Variants in DLGAP1 observed in about 807,000 individuals in gnomAD.
DLGAP1 encodes the protein DLG associated protein 1.
Under a neutral mutation model 90.8 loss-of-function variants are expected in DLGAP1, and 11 were observed. The observed-to-expected ratio is 0.12, with a 90% CI of 0.08 to 0.20. DLGAP1 has a LOEUF of 0.20. DLGAP1 is among the 10% of genes least tolerant of loss of function. DLGAP1 has a pLI of 1.00. For synonymous variants in DLGAP1, 558 were observed against 540.7 expected (o/e 1.03, Z -0.44); for missense variants, 1,050 against 1,333.8 (o/e 0.79, Z 3.31).
At chr18:4,197,119 G>A (rs1161752127) in intron 1 of DLGAP1, among the ~76,000 whole-genome samples, 2 of 148,364 alleles carry the variant, frequency 1.3e-5, no homozygotes, top group Admixed American at 1.4e-4. Flanking sequence ...GTTGCAGTGA[G>A]CTGAGATCGT....
At chr18:4,329,706 G>C (rs2080905848) in intron 1 of DLGAP1, among the ~76,000 whole-genome samples, 1 of 151,822 alleles carries the variant, frequency 6.6e-6, no homozygotes, top group Admixed American at 6.6e-5. Flanking sequence ...TGAAAACATG[G>C]GTTGCATTTA....
Position 4,006,232 on chromosome 18 carries a change from T to C in DLGAP1, c.-158-1031A>G, listed in dbSNP as rs538426277. On this transcript the variant is annotated intron_variant, in intron 2 of 12. Transcript: ENST00000315677. ...AGGGAAAATAGCAACTATGGGAGAC[T>C]AGCAAAGCCCCTGCATCCTGTTTGT... 3.1e-4 allele frequency among the ~76,000 whole-genome samples: 47 copies of C among 152,282 alleles called. 3 individuals are homozygous for C. The South Asian group carries it at 3.9e-3, about 13-fold the overall frequency.
rs562619147 is a variant in DLGAP1 at position 3,568,023 on chromosome 18, C to T, written c.1966-442G>A. Among the ~76,000 whole-genome samples the T allele has an allele frequency of 2.0e-4, 30 of 151,978 alleles. 1 individual carries two copies. The highest frequency in any genetic ancestry group is 2.2e-4 in the Non-Finnish European group (15 of 68,000). ...AAGGGATTCTCCTGCCTCAGCCTCC[C>T]GAATAGCTGAGATTACAGGTGTGTG... On this transcript the variant is annotated intron_variant, in intron 8 of 12. Coordinates refer to ENST00000315677, the MANE Select transcript of DLGAP1 (RefSeq NM_004746.4).
At chr18:3,969,187 C>T (rs554021887) in intron 3 of DLGAP1, among the ~76,000 whole-genome samples, 14 of 152,170 alleles carry the variant, frequency 9.2e-5, no homozygotes, top group Non-Finnish European at 2.1e-4. Context: ...CCAGGTCAAA[C>T]TATGCGAACT....
intron 4 of DLGAP1, among the ~76,000 whole-genome samples, chr18:3,826,238 C>T (rs915849228): frequency 3.3e-5 from 5 of 152,052 alleles, no homozygotes; most frequent in South Asian, 4.1e-4. Flanking sequence ...AATCTATCCA[C>T]GTAACAAGCC....
In DLGAP1 at chr18:3,499,167, G is replaced by GGCC; in HGVS notation, c.*15_*17dup. ...GAGGGGACAGATGCTTGGCGGCGGCGGCCGGGCTGCGGGGCGCTCAGAGCC... is the reference window on the plus strand; with the variant it reads ...GAGGGGACAGATGCTTGGCGGCGGCGGCCGCCGGGCTGCGGGGCGCTCAGAGCC... On this transcript the variant is annotated 3_prime_UTR_variant, in exon 13 of 13. Transcript: ENST00000315677. This position sits in a 1 kb window ranked among gnomAD's most constrained non-coding sequence, Gnocchi z 6.4. 1 of 1,539,754 alleles carries GGCC rather than the reference G, an allele frequency of 6.5e-7. No individual in the cohort carries two copies. The highest frequency in any genetic ancestry group is 8.7e-7 in the Non-Finnish European group (1 of 1,150,690).
rs751517760 is a variant in DLGAP1 at position 3,654,153 on chromosome 18, A to T, written c.1592-71905T>A. 2.6e-5 allele frequency among the ~76,000 whole-genome samples: 4 copies of T among 152,314 alleles called. No homozygotes were observed. The East Asian group carries it at 7.7e-4, about 29-fold the overall frequency. On this transcript the variant is annotated intron_variant, in intron 7 of 12. Coordinates refer to ENST00000315677, the MANE Select transcript of DLGAP1 (RefSeq NM_004746.4). ...CTGCCCAAAAAGATGCTCAAGCAACAGTCGCAGTGGGCCTGACTTCTGGTA... is the reference window on the plus strand; with the variant it reads ...CTGCCCAAAAAGATGCTCAAGCAACTGTCGCAGTGGGCCTGACTTCTGGTA...
intron 1 of DLGAP1, among the ~76,000 whole-genome samples, chr18:4,445,550 T>C (rs2083643555): frequency 6.6e-6 from 1 of 150,510 alleles, no homozygotes; most frequent in Non-Finnish European, 1.5e-5. Context: ...ATGCGGTGTT[T>C]GGTTTTTTGT....
chr18:3,668,158 C>T lies in DLGAP1; in HGVS notation c.1591+60977G>A, dbSNP rs2059947367. ...CTCCCCTTCTCTTGTTCAGATGGCA[C>T]ATAAGCCCCAAATTGTAAGTGCCCC... On this transcript the variant is annotated intron_variant, in intron 7 of 12. Coordinates refer to ENST00000315677, the MANE Select transcript of DLGAP1 (RefSeq NM_004746.4). Among the ~76,000 whole-genome samples the T allele has an allele frequency of 5.9e-5, 9 of 152,188 alleles. No homozygotes were observed. In the South Asian group the frequency reaches 1.9e-3, roughly 31 times the overall value.
chr18:3,583,011 T>G (rs1049656500), intron 7 of DLGAP1, among the ~76,000 whole-genome samples: 2 of 152,000 alleles, frequency 1.3e-5, no homozygotes, highest in African/African-American at 4.8e-5. Flanking sequence ...CCCTTAGGCC[T>G]CCTTTCAAAG....
chr18:3,612,143 C>T (rs2145912988), intron 7 of DLGAP1, among the ~76,000 whole-genome samples: 1 of 152,290 alleles, frequency 6.6e-6, no homozygotes, highest in South Asian at 2.1e-4. Flanking sequence ...ATTGATTGAG[C>T]CCAGGAGTTT....
chr18:3,762,740 A>G (rs553303766), intron 5 of DLGAP1, among the ~76,000 whole-genome samples: 1 of 152,318 alleles, frequency 6.6e-6, no homozygotes, highest in Non-Finnish European at 1.5e-5. Context: ...TGAACACAGC[A>G]ATCATGTATC....
rs1598423260 is a variant in DLGAP1 at position 3,710,989 on chromosome 18, G to A, written c.1591+18146C>T. ...GAAGGTGGCACACAGAGGTCAGAGG[G>A]CAGGGCTAGGGAAACACGGGAGTGA... On this transcript the variant is annotated intron_variant, in intron 7 of 12. Transcript: ENST00000315677. 6.6e-5 allele frequency among the ~76,000 whole-genome samples: 10 copies of A among 152,352 alleles called. 1 individual carries two copies. In the South Asian group the frequency reaches 2.1e-3, roughly 32 times the overall value.
chr18:3,892,608 C>T (rs961521285), intron 3 of DLGAP1, among the ~76,000 whole-genome samples: 11 of 152,032 alleles, frequency 7.2e-5, no homozygotes, highest in South Asian at 2.1e-4. Flanking sequence ...ATCACATAAA[C>T]GTGAACAATC....
chr18:4,135,008 G>T (rs2144247435), intron 2 of DLGAP1, among the ~76,000 whole-genome samples: 1 of 152,128 alleles, frequency 6.6e-6, no homozygotes, highest in East Asian at 1.9e-4. Context: ...AATTTGAATA[G>T]TGTGGCCGGA....
chr18:3,600,201 C>T (rs1713110758), intron 7 of DLGAP1, among the ~76,000 whole-genome samples: 2 of 152,192 alleles, frequency 1.3e-5, no homozygotes, highest in African/African-American at 4.8e-5. Flanking sequence ...TTCATTAGTT[C>T]ATCACCATGC....
At chr18:3,596,511 T>G (rs2056584447) in intron 7 of DLGAP1, 1 of 209,668 alleles carries the variant, frequency 4.8e-6, no homozygotes. Context: ...TCTTGTCAGA[T>G]GTCACTTTTC....
intron 4 of DLGAP1, among the ~76,000 whole-genome samples, chr18:3,835,976 T>C (rs1462889374): frequency 6.6e-6 from 1 of 152,212 alleles, no homozygotes; most frequent in Non-Finnish European, 1.5e-5. Context: ...ATATTTAACT[T>C]GACCTTATAT....
intron 7 of DLGAP1, among the ~76,000 whole-genome samples, chr18:3,636,365 G>A (rs1367503718): frequency 2.6e-5 from 4 of 151,608 alleles, no homozygotes; most frequent in African/African-American, 9.7e-5. Context: ...ACCCTATAGA[G>A]TGCCCAGTTC....
Sources: gnomAD v4.1 joint callset for allele counts (sites outside exome capture counted in the v4.1 genomes callset) on GRCh38, gnomAD v4.1.1 for gene constraint, Gnocchi (gnomAD v3.1) non-coding constraint, MANE v1.5 for transcripts, NCBI Gene and HGNC (gene_info 2026-07-23, HGNC 2026-07-21) for gene names.